Variants in IPO7 observed in about 807,000 individuals in gnomAD.
IPO7 encodes the protein importin 7.
IPO7 carries 13 observed loss-of-function variants against 136.4 expected under a neutral mutation model. The observed-to-expected ratio is 0.10, with a 90% CI of 0.06 to 0.15. The LOEUF (loss-of-function observed/expected upper bound fraction) is 0.15, where lower values mean the gene tolerates loss of function less well. Ranked by LOEUF, IPO7 falls within the 10% of genes least tolerant of loss-of-function variation. The probability of loss-of-function intolerance (pLI) is 1.00; values close to 1 mark genes in which losing one functional copy is unlikely to be tolerated. For missense variants in IPO7, 857 were observed against 1,240.6 expected (o/e 0.69, Z 4.65); for synonymous variants, 403 against 404.4 (o/e 1.00, Z 0.04).
chr11:9,384,900 C>A, intron 1 of IPO7, 53 bp downstream of exon 1: 1 of 1,414,484 alleles, frequency 7.1e-7, no homozygotes, highest in Non-Finnish European at 9.8e-7. Context: ...GCAGAAGTGG[C>A]AGGCCGAGCC....
intron 20 of IPO7, among the ~76,000 whole-genome samples, chr11:9,436,660 G>GTTTGT (rs1855372808): frequency 6.7e-6 from 1 of 149,798 alleles, no homozygotes; most frequent in Admixed American, 6.7e-5. Context: ...TTTTTTGTTT[G>GTTTGT]TTTGTTTTGT....
chr11:9,401,459 A>G (rs1326020879), intron 1 of IPO7, among the ~76,000 whole-genome samples: 1 of 152,010 alleles, frequency 6.6e-6, no homozygotes, highest in East Asian at 1.9e-4. Flanking sequence ...TTAGGAGACT[A>G]AGGCAGGAGC....
intron 2 of IPO7, among the ~76,000 whole-genome samples, chr11:9,404,345 G>A (rs1194861966): frequency 2.6e-5 from 4 of 151,394 alleles, no homozygotes; most frequent in African/African-American, 4.8e-5. Flanking sequence ...GGCGCCTGTA[G>A]TCCCAGCTAC....
intron 6 of IPO7, among the ~76,000 whole-genome samples, chr11:9,417,997 G>C (rs1305390554): frequency 6.6e-6 from 1 of 151,866 alleles, no homozygotes; most frequent in African/African-American, 2.4e-5. Flanking sequence ...ACAGGCGTGA[G>C]CCACTGTGCC....
At chr11:9,386,304 C>T (rs1169845551) in intron 1 of IPO7, among the ~76,000 whole-genome samples, 1 of 152,106 alleles carries the variant, frequency 6.6e-6, no homozygotes, top group Non-Finnish European at 1.5e-5. Flanking sequence ...TTGGGAGGAG[C>T]TTAGATTTTT....
chr11:9,444,735 T>C (rs1259477039), intron 24 of IPO7, among the ~76,000 whole-genome samples: 2 of 147,124 alleles, frequency 1.4e-5, no homozygotes, highest in African/African-American at 5.1e-5. Context: ...CTTGGGAGGC[T>C]AAGGCAGGAG....
intron 8 of IPO7, among the ~76,000 whole-genome samples, chr11:9,421,225 T>C (rs1449838311): frequency 6.6e-6 from 1 of 151,532 alleles, no homozygotes; most frequent in Admixed American, 6.6e-5. Flanking sequence ...CCTCCCAAAG[T>C]GCTGGGATTA....
intron 16 of IPO7, among the ~76,000 whole-genome samples, chr11:9,431,280 A>T (rs1855290196): frequency 6.6e-6 from 1 of 152,086 alleles, no homozygotes; most frequent in Non-Finnish European, 1.5e-5. Flanking sequence ...TATTTTTCTT[A>T]GTTTTCTTTT....
At chr11:9,403,476 C>A in intron 2 of IPO7, 105 bp downstream of exon 2, 2 of 793,396 alleles carry the variant, frequency 2.5e-6, no homozygotes, top group South Asian at 1.7e-5. Context: ...TTTTTTCCCC[C>A]CAGGTAATTT....
At chr11:9,428,384 C>T (rs1855243005) in intron 12 of IPO7, among the ~76,000 whole-genome samples, 156 bp from the exon 13 acceptor site, 2 of 152,074 alleles carry the variant, frequency 1.3e-5, no homozygotes, top group Admixed American at 1.3e-4. Context: ...TGGTGAAGTT[C>T]TGGAATACGA....
intron 24 of IPO7, among the ~76,000 whole-genome samples, chr11:9,444,031 T>G (rs1412685796): frequency 1.3e-5 from 2 of 152,160 alleles, no homozygotes; most frequent in Non-Finnish European, 2.9e-5. Flanking sequence ...TCCCAGCACT[T>G]TGGGAGGCTG....
At chr11:9,411,506 G>C (rs1477377573) in intron 4 of IPO7, among the ~76,000 whole-genome samples, 1 of 152,138 alleles carries the variant, frequency 6.6e-6, no homozygotes, top group Admixed American at 6.6e-5. Context: ...TGAGGAGACT[G>C]CTTAATGGTG....
At position 9,447,324 on chromosome 11, in the gene IPO7, T is replaced by A. The variant is rs572091741; in HGVS notation, c.*2130T>A. On this transcript the variant is annotated 3_prime_UTR_variant, in exon 25 of 25. Coordinates refer to ENST00000379719, the MANE Select transcript of IPO7 (RefSeq NM_006391.3). ...ATGTCTTTGAGAACATGTTTTATTGTCTCCTGTGTCATATAATCCAAACTA... is the reference window on the plus strand; with the variant it reads ...ATGTCTTTGAGAACATGTTTTATTGACTCCTGTGTCATATAATCCAAACTA... The A allele has an allele frequency of 1.3e-5, 2 of 152,330 alleles. No homozygotes were observed. Among genetic ancestry groups the A allele is most frequent in the African/African-American group, 4.8e-5 (2 of 41,574 alleles). The allele number at this position is 152,330 out of a possible 1,614,324, so 9.4% of individuals were successfully genotyped here.
At chr11:9,401,371 C>A (rs957327339) in intron 1 of IPO7, among the ~76,000 whole-genome samples, 3 of 151,874 alleles carry the variant, frequency 2.0e-5, no homozygotes, top group Non-Finnish European at 4.4e-5. Flanking sequence ...TTTTGCCCTG[C>A]ACTTCAAGAT....
chr11:9,425,331 C>T, intron 12 of IPO7, 69 bp downstream of exon 12: 2 of 888,450 alleles, frequency 2.3e-6, no homozygotes, highest in African/African-American at 1.6e-5. Flanking sequence ...GCCAGCCAGG[C>T]ACAGTGGCTC....
chr11:9,411,829 G>T (rs1021699110), intron 4 of IPO7, among the ~76,000 whole-genome samples: 2 of 152,088 alleles, frequency 1.3e-5, no homozygotes, highest in African/African-American at 4.8e-5. Context: ...TTACTCATTA[G>T]CTTAGATTAA....
chr11:9,440,639 G>T lies in IPO7; in HGVS notation c.2880G>T (p.Gln960His). The T allele has an allele frequency of 1.2e-6, 2 of 1,612,068 alleles. No homozygotes were observed. Among genetic ancestry groups the T allele is most frequent in the East Asian group, 2.2e-5 (1 of 44,832 alleles). Residue 960 changes from glutamine (Q) to histidine (H), a missense_variant, in exon 23 of 25, where the codon CAG becomes CAT. By Grantham distance (24) the Gln-to-His change is conservative. Coordinates refer to ENST00000379719, the MANE Select transcript of IPO7 (RefSeq NM_006391.3). ...AAGATAACCCTGTTGATGAGTATCAGATATTTAAAGCTATCTTTCAAAGTA... is the reference window on the plus strand; with the variant it reads ...AAGATAACCCTGTTGATGAGTATCATATATTTAAAGCTATCTTTCAAAGTA... ...DDEDNPVDEY[Q>H]IFKAIFQTIQ...
At chr11:9,425,455 A>C in intron 12 of IPO7, 193 bp downstream of exon 12, 1 of 528,778 alleles carries the variant, frequency 1.9e-6, no homozygotes, top group Non-Finnish European at 3.4e-6. Flanking sequence ...AAGGATAAAA[A>C]ATAGGCCGGG....
chr11:9,387,020 A>AT (rs1854560590), intron 1 of IPO7, among the ~76,000 whole-genome samples: 1 of 152,038 alleles, frequency 6.6e-6, no homozygotes, highest in African/African-American at 2.4e-5. Context: ...CCATTTAAAT[A>AT]TTTTTTGCTT....
Sources: gnomAD v4.1 joint callset for allele counts (sites outside exome capture counted in the v4.1 genomes callset) on GRCh38, gnomAD v4.1.1 for gene constraint, MANE v1.5 for transcripts, NCBI Gene and HGNC (gene_info 2026-07-23, HGNC 2026-07-21) for gene names.